Variants in FHIT observed in about 807,000 individuals in gnomAD.
FHIT encodes the protein fragile histidine triad diadenosine triphosphatase.
In FHIT, 19 loss-of-function variants were observed where a neutral mutation model predicts 17.9. The ratio of observed to expected loss-of-function variants is 1.06; its 90% confidence interval spans 0.74 to 1.56. FHIT has a LOEUF of 1.56. FHIT is among the 40% of genes most tolerant of loss of function. The pLI, the probability that FHIT is intolerant of heterozygous loss-of-function variation, is 0.00. For synonymous variants in FHIT, 81 were observed against 69.7 expected, an observed-to-expected ratio of 1.16 and a Z score of -0.81; for missense variants, 248 against 189.2, an observed-to-expected ratio of 1.31 and a Z score of -1.82.
At chr3:60,168,172 G>C (rs897691048) in intron 5 of FHIT, among the ~76,000 whole-genome samples, 2 of 152,098 alleles carry the variant, frequency 1.3e-5, no homozygotes, top group African/African-American at 4.8e-5. Context: ...ACGGAGGCCT[G>C]GCAATAAACA....
At chr3:60,541,532 C>T (rs2036186266) in intron 4 of FHIT, among the ~76,000 whole-genome samples, 1 of 152,190 alleles carries the variant, frequency 6.6e-6, no homozygotes, top group South Asian at 2.1e-4. Context: ...GCAAGTGACC[C>T]AGGCACCCAT....
At chr3:61,239,808 TCATTA>T (rs2040331219) in intron 1 of FHIT, among the ~76,000 whole-genome samples, 2 of 118,164 alleles carry the variant, frequency 1.7e-5, no homozygotes, top group Non-Finnish European at 3.3e-5. Context: ...ACAATACTAC[TCATTA>T]CATTAAAACA....
At chr3:60,306,815 T>C (rs138710785) in intron 5 of FHIT, among the ~76,000 whole-genome samples, 283 of 152,282 alleles carry the variant, frequency 1.9e-3, no homozygotes, top group Middle Eastern at 6.8e-3. Context: ...TGTTTAAAAA[T>C]ACACTTGGTG....
intron 4 of FHIT, among the ~76,000 whole-genome samples, chr3:60,661,964 A>G (rs1223146653): frequency 6.6e-6 from 1 of 152,138 alleles, no homozygotes; most frequent in Non-Finnish European, 1.5e-5. Flanking sequence ...GTCCTCTGTC[A>G]GATGTATAAA....
chr3:59,994,071 C>T (rs1454069647), intron 7 of FHIT, among the ~76,000 whole-genome samples: 1 of 151,940 alleles, frequency 6.6e-6, no homozygotes, highest in Non-Finnish European at 1.5e-5. Flanking sequence ...GAAAGTGAAG[C>T]TCAGAGATGT....
intron 5 of FHIT, among the ~76,000 whole-genome samples, chr3:60,390,627 AAGATGT>A: frequency 1.3e-5 from 2 of 152,096 alleles, no homozygotes; most frequent in African/African-American, 4.8e-5. Context: ...CCAGTGGGAC[AAGATGT>A]GGAGGTGGAA....
intron 5 of FHIT, among the ~76,000 whole-genome samples, chr3:60,170,769 A>C (rs1701385291): frequency 6.6e-6 from 1 of 152,180 alleles, no homozygotes; most frequent in Non-Finnish European, 1.5e-5. Context: ...TATTACTTCC[A>C]AATAGTATTT....
intron 2 of FHIT, among the ~76,000 whole-genome samples, chr3:61,053,225 T>TCAACCTG (rs1450429816): frequency 9.2e-5 from 14 of 152,170 alleles, no homozygotes; most frequent in Non-Finnish European, 1.9e-4. Flanking sequence ...ATGGAATTCT[T>TCAACCTG]CAACCTGCCA....
chr3:60,367,104 G>C (rs144781796), intron 5 of FHIT, among the ~76,000 whole-genome samples: 116 of 152,284 alleles, frequency 7.6e-4, no homozygotes, highest in African/African-American at 2.7e-3. Context: ...TCTATAAAAT[G>C]AGCTCAACCT....
At chr3:60,302,872 T>C (rs567824909) in intron 5 of FHIT, among the ~76,000 whole-genome samples, 82 of 152,266 alleles carry the variant, frequency 5.4e-4, no homozygotes, top group African/African-American at 1.9e-3. Context: ...CTTTAAGGTA[T>C]CTTAGACAAG....
At chr3:60,027,583 G>A (rs1262521918) in intron 5 of FHIT, among the ~76,000 whole-genome samples, 2 of 151,910 alleles carry the variant, frequency 1.3e-5, no homozygotes, top group South Asian at 2.1e-4. Flanking sequence ...GCTCCTCCGC[G>A]AGACTGCAAC....
intron 8 of FHIT, among the ~76,000 whole-genome samples, chr3:59,882,591 A>G (rs1196769477): frequency 6.6e-6 from 1 of 152,208 alleles, no homozygotes; most frequent in Non-Finnish European, 1.5e-5. Context: ...CAAATGTTTT[A>G]AGGAGAAGTC....
chr3:60,402,137 G>C (rs1325784288), intron 5 of FHIT, among the ~76,000 whole-genome samples: 1 of 152,102 alleles, frequency 6.6e-6, no homozygotes, highest in Admixed American at 6.6e-5. Flanking sequence ...TCTACTTAAA[G>C]AAGGATTTAA....
chr3:60,243,531 C>T (rs1705239522), intron 5 of FHIT, among the ~76,000 whole-genome samples: 1 of 152,082 alleles, frequency 6.6e-6, no homozygotes, highest in South Asian at 2.1e-4. Context: ...CAAATGGCTA[C>T]ATCTTTTGAC....
intron 8 of FHIT, among the ~76,000 whole-genome samples, chr3:59,837,217 A>G (rs1461627898): frequency 6.6e-6 from 1 of 152,138 alleles, no homozygotes; most frequent in African/African-American, 2.4e-5. Context: ...CAATACAGTC[A>G]TCCCTTGGTA....
intron 5 of FHIT, among the ~76,000 whole-genome samples, chr3:60,417,056 T>G (rs1387604781): frequency 4.7e-5 from 7 of 147,868 alleles, no homozygotes; most frequent in Non-Finnish European, 1.0e-4. Context: ...ACCACTGCAC[T>G]CCAGCCTGGT....
chr3:59,982,565 G>C (rs1259065179), intron 7 of FHIT, among the ~76,000 whole-genome samples: 1 of 152,102 alleles, frequency 6.6e-6, no homozygotes, highest in Non-Finnish European at 1.5e-5. Flanking sequence ...TTTACTTTGG[G>C]AATATTTCAC....
At chr3:60,104,567 T>A (rs1559635672) in intron 5 of FHIT, among the ~76,000 whole-genome samples, 2 of 151,128 alleles carry the variant, frequency 1.3e-5, no homozygotes, top group Non-Finnish European at 2.9e-5. Context: ...AGAATTGCAA[T>A]GCAGTGAATA....
chr3:60,120,631 A>G (rs1705204757), intron 5 of FHIT, among the ~76,000 whole-genome samples: 1 of 152,192 alleles, frequency 6.6e-6, no homozygotes, highest in Admixed American at 6.5e-5. Context: ...GAAACATTCT[A>G]AACAGCATTT....
Sources: gnomAD v4.1 joint callset for allele counts (sites outside exome capture counted in the v4.1 genomes callset) on GRCh38, gnomAD v4.1.1 for gene constraint, MANE v1.5 for transcripts, NCBI Gene and HGNC (gene_info 2026-07-23, HGNC 2026-07-21) for gene names.